The following SMARCA1 variants were observed in gnomAD, a reference collection of about 807,000 sequenced individuals.
The protein encoded by SMARCA1 is SWI/SNF-related matrix-associated actin-dependent regulator of chromatin subfamily A member 1.
A neutral mutation model predicts 93.6 loss-of-function variants in SMARCA1; 17 were observed. The observed-to-expected ratio is 0.18, with a 90% CI of 0.12 to 0.27. The LOEUF (loss-of-function observed/expected upper bound fraction) is 0.27. Ranked by LOEUF, SMARCA1 falls within the 10% of genes least tolerant of loss-of-function variation. SMARCA1 has a pLI of 1.00. For synonymous variants in SMARCA1, 271 were observed against 271.4 expected (o/e 1.00, Z 0.01); for missense variants, 630 against 819.0 (o/e 0.77, Z 2.82).
At chrX:129,476,712 C>G (rs1054236453) in intron 19 of SMARCA1, among the ~76,000 whole-genome samples, 1 of 112,133 alleles carries the variant, frequency 8.9e-6, no homozygotes, top group Non-Finnish European at 1.9e-5. Flanking sequence ...TGAGGATAAA[C>G]TAGTGCTCTA....
At chrX:129,505,003 G>A (rs1244647299) in intron 8 of SMARCA1, among the ~76,000 whole-genome samples, 1 of 111,879 alleles carries the variant, frequency 8.9e-6, no homozygotes, top group Non-Finnish European at 1.9e-5. Context: ...GAGCCCCACT[G>A]TGTAAGAATT....
At chrX:129,483,769 T>C (rs184567157) in intron 17 of SMARCA1, among the ~76,000 whole-genome samples, 1 of 112,113 alleles carries the variant, frequency 8.9e-6, no homozygotes, top group African/African-American at 3.2e-5. Flanking sequence ...TGGGTTAATT[T>C]ATTCAGGATC....
rs182781137 is a variant in SMARCA1 at position 129,481,064 on chromosome X, T to A, written c.2328+11A>T. ...CTTTAGGACATAAAAACTGGCCTTG[T>A]ACAGTTTTACCTTTGGAATCTTTGG... is the stretch of plus-strand genomic sequence containing the variant. On this transcript the variant is annotated intron_variant, in intron 18 of 24. Coordinates refer to ENST00000371121, the MANE Select transcript of SMARCA1 (RefSeq NM_001282874.2). 9.0e-7 allele frequency: 1 copy of A among 1,113,778 alleles called. No homozygotes were observed. Among genetic ancestry groups the A allele is most frequent in the East Asian group, 3.0e-5 (1 of 33,143 alleles). 91.8% of individuals were successfully genotyped at this position (1,113,778 alleles called of 1,213,427 possible). A position where few individuals can be genotyped will look rare whatever the true frequency, so the allele number is the denominator to read the frequency against.
At chrX:129,510,472 G>T (rs1934983695) in intron 6 of SMARCA1, among the ~76,000 whole-genome samples, 2 of 111,992 alleles carry the variant, frequency 1.8e-5, no homozygotes, top group Non-Finnish European at 3.8e-5. Context: ...GGAACCCGAG[G>T]TGAGAGGATC....
intron 7 of SMARCA1, among the ~76,000 whole-genome samples, chrX:129,506,551 G>T (rs1666168526): frequency 9.2e-6 from 1 of 108,811 alleles, no homozygotes; most frequent in Admixed American, 9.9e-5. Context: ...TTAGCTGGGC[G>T]TGGTGGTGCA....
intron 11 of SMARCA1, 150 bp from the exon 12 acceptor site, chrX:129,497,021 A>C (rs1556309341): frequency 1.7e-3 from 635 of 383,839 alleles, no homozygotes; most frequent in African/African-American, 5.1e-3. Flanking sequence ...ACACACACAC[A>C]CCCCCACACA....
chrX:129,506,707 AAAAAAAAG>A (rs1329771692), intron 7 of SMARCA1, among the ~76,000 whole-genome samples: 66 of 94,174 alleles, frequency 7.0e-4, no homozygotes, highest in African/African-American at 2.5e-3. Flanking sequence ...AAAAAAAAAA[AAAAAAAAG>A]GAAGAAGAAT....
At chrX:129,506,258 T>C in intron 7 of SMARCA1, 47 bp from the exon 8 acceptor site, 2 of 940,410 alleles carry the variant, frequency 2.1e-6, no homozygotes, top group Non-Finnish European at 3.0e-6. Context: ...ATTAGAATGC[T>C]CAACATTCAG....
intron 17 of SMARCA1, among the ~76,000 whole-genome samples, chrX:129,481,476 A>T (rs894943968): frequency 5.3e-5 from 6 of 112,375 alleles, no homozygotes; most frequent in Non-Finnish European, 1.1e-4. Context: ...CAAATTAAAT[A>T]AATAAAAGGT....
chrX:129,477,319 C>T (rs1933431321), intron 19 of SMARCA1, among the ~76,000 whole-genome samples: 1 of 111,720 alleles, frequency 9.0e-6, no homozygotes, highest in Non-Finnish European at 1.9e-5. Context: ...CTTTGGGAGG[C>T]CAAGGCAGGT....
intron 10 of SMARCA1, among the ~76,000 whole-genome samples, chrX:129,498,846 GCTC>G (rs1334672747): frequency 9.0e-6 from 1 of 111,258 alleles, no homozygotes; most frequent in African/African-American, 3.3e-5. Flanking sequence ...GTAACATTTT[GCTC>G]CTATTAGCAG....
At chrX:129,486,957 T>C in intron 17 of SMARCA1, 61 bp downstream of exon 17, 3 of 1,006,278 alleles carry the variant, frequency 3.0e-6, no homozygotes, top group East Asian at 3.2e-5. Context: ...AGTGTTATTT[T>C]ATAATTGTTA....
intron 1 of SMARCA1, 88 bp downstream of exon 1, chrX:129,523,108 CT>C (rs1418558498): frequency 1.9e-5 from 20 of 1,028,632 alleles, no homozygotes; most frequent in Non-Finnish European, 2.6e-5. Context: ...CCGCGGGTAC[CT>C]GTCGGCGCCG....
intron 23 of SMARCA1, among the ~76,000 whole-genome samples, chrX:129,457,385 CTG>C (rs1932680914): frequency 8.9e-6 from 1 of 111,855 alleles, no homozygotes; most frequent in African/African-American, 3.3e-5. Flanking sequence ...CAGTGTGTGA[CTG>C]TGTAAAGAAA....
At chrX:129,490,908 C>T (rs1057348369) in intron 14 of SMARCA1, among the ~76,000 whole-genome samples, 8 of 111,759 alleles carry the variant, frequency 7.2e-5, no homozygotes, top group African/African-American at 2.6e-4. Context: ...CAATCCCCTG[C>T]ACATATTTAC....
chrX:129,469,643 C>T (rs370693334), intron 20 of SMARCA1, among the ~76,000 whole-genome samples: 2 of 112,023 alleles, frequency 1.8e-5, no homozygotes, highest in East Asian at 2.8e-4. Context: ...TTCAGATGAC[C>T]CCACATTTTG....
intron 8 of SMARCA1, among the ~76,000 whole-genome samples, chrX:129,505,836 T>G (rs901583491): frequency 9.0e-6 from 1 of 111,315 alleles, no homozygotes; most frequent in African/African-American, 3.3e-5. Flanking sequence ...CATCATAAGT[T>G]TTAGGAGTAA....
intron 7 of SMARCA1, among the ~76,000 whole-genome samples, chrX:129,506,621 C>T (rs971050433): frequency 3.2e-5 from 3 of 93,972 alleles, no homozygotes; most frequent in Admixed American, 1.4e-4. Context: ...ATCCAGGAGG[C>T]GGAAGTTGCA....
At chrX:129,448,005 C>T (rs187936355) in intron 24 of SMARCA1, among the ~76,000 whole-genome samples, 2 of 103,651 alleles carry the variant, frequency 1.9e-5, no homozygotes, top group African/African-American at 6.9e-5. Flanking sequence ...TCAGCCCCAT[C>T]CCATCCCACC....
Sources: gnomAD v4.1 joint callset for allele counts (sites outside exome capture counted in the v4.1 genomes callset) on GRCh38, gnomAD v4.1.1 for gene constraint, MANE v1.5 for transcripts, NCBI Gene and HGNC (gene_info 2026-07-23, HGNC 2026-07-21) for gene names.